Variants in SENP7 observed in about 807,000 individuals in gnomAD.
SENP7 encodes the protein sentrin-specific protease 7.
SENP7 carries 64 observed loss-of-function variants against 141.2 expected under a neutral mutation model. That is an observed-to-expected ratio of 0.45 (90% CI 0.37 to 0.56). The LOEUF (loss-of-function observed/expected upper bound fraction) is 0.56, where lower values mean the gene tolerates loss of function less well. Among genes scored for constraint, SENP7 ranks in the 20% least tolerant of loss-of-function variants. SENP7 has a pLI of 0.00. For missense variants in SENP7, 1,025 were observed against 1,212.2 expected (o/e 0.85, Z 2.29); for synonymous variants, 382 against 426.4 (o/e 0.90, Z 1.28).
chr3:101,385,120 T>C (rs2060615852), intron 6 of SENP7, among the ~76,000 whole-genome samples: 1 of 152,166 alleles, frequency 6.6e-6, no homozygotes, highest in Admixed American at 6.5e-5. Flanking sequence ...AAGGATTTAC[T>C]AGAATAAATA....
intron 6 of SENP7, among the ~76,000 whole-genome samples, chr3:101,386,658 A>C (rs1340428565): frequency 6.6e-6 from 1 of 152,190 alleles, no homozygotes; most frequent in African/African-American, 2.4e-5. Flanking sequence ...ACTCTAGCCC[A>C]GACAGTATCC....
intron 13 of SENP7, among the ~76,000 whole-genome samples, chr3:101,345,718 TAGG>T (rs1264803317): frequency 6.6e-6 from 1 of 152,180 alleles, no homozygotes; most frequent in East Asian, 1.9e-4. Flanking sequence ...AAGCCACATG[TAGG>T]AGAATGAAAC....
intron 4 of SENP7, among the ~76,000 whole-genome samples, chr3:101,437,640 A>G (rs750006302): frequency 3.3e-5 from 5 of 152,116 alleles, no homozygotes; most frequent in African/African-American, 4.8e-5. Context: ...GCCCAGGAGG[A>G]TGAGGCTACA....
In SENP7 at chr3:101,400,182, T is replaced by A. The variant is rs563852682; in HGVS notation, c.483-1127A>T. ...CCAAGCCAAATTATTGTGATTTTTT[T>A]AAGTTCCTGTTATGTAATTTTAAAG... On this transcript the variant is annotated intron_variant, in intron 5 of 23. Transcript: ENST00000394095. Among the ~76,000 whole-genome samples the A allele has an allele frequency of 6.1e-4, 93 of 152,372 alleles. No homozygotes were observed. In the South Asian group the frequency reaches 0.019, roughly 31 times the overall value.
intron 3 of SENP7, among the ~76,000 whole-genome samples, chr3:101,476,255 C>T (rs2064211778): frequency 6.6e-6 from 1 of 151,810 alleles, no homozygotes; most frequent in African/African-American, 2.4e-5. Context: ...CCCCTTACCC[C>T]CAATCCCCCA....
intron 5 of SENP7, among the ~76,000 whole-genome samples, chr3:101,400,835 C>G (rs534424832): frequency 1.3e-5 from 2 of 152,134 alleles, no homozygotes; most frequent in Non-Finnish European, 2.9e-5. Context: ...TGGCTCACAC[C>G]TGCAATCCCA....
chr3:101,452,995 CA>C (rs1487682829), intron 4 of SENP7, among the ~76,000 whole-genome samples: 2 of 152,048 alleles, frequency 1.3e-5, no homozygotes, highest in Non-Finnish European at 2.9e-5. Context: ...CCAGAATCTA[CA>C]ATAAACTCAA....
chr3:101,377,399 G>A (rs1045882946), intron 6 of SENP7, among the ~76,000 whole-genome samples: 16 of 152,114 alleles, frequency 1.1e-4, no homozygotes, highest in African/African-American at 3.6e-4. Flanking sequence ...TACTATTGGA[G>A]TATGAAGACC....
chr3:101,404,924 T>C (rs1276618281), intron 5 of SENP7, among the ~76,000 whole-genome samples: 1 of 152,224 alleles, frequency 6.6e-6, no homozygotes, highest in Non-Finnish European at 1.5e-5. Flanking sequence ...GACAGCCATC[T>C]ACAAGCCAAA....
At chr3:101,448,512 G>T (rs1437921419) in intron 4 of SENP7, among the ~76,000 whole-genome samples, 2 of 152,194 alleles carry the variant, frequency 1.3e-5, no homozygotes, top group Non-Finnish European at 2.9e-5. Flanking sequence ...AGAGGCTGCA[G>T]AACAGCGGAT....
chr3:101,484,493 C>T (rs1026172723), intron 3 of SENP7, among the ~76,000 whole-genome samples: 5 of 152,156 alleles, frequency 3.3e-5, no homozygotes, highest in Non-Finnish European at 5.9e-5. Context: ...AGAGGGCCCA[C>T]AGACCCTCTA....
At chr3:101,368,924 C>T (rs547147779) in intron 7 of SENP7, among the ~76,000 whole-genome samples, 1 of 152,134 alleles carries the variant, frequency 6.6e-6, no homozygotes, top group Admixed American at 6.5e-5. Context: ...AATACCTTTG[C>T]TCTGTAGTTG....
At chr3:101,504,076 T>C (rs2065493815) in intron 1 of SENP7, among the ~76,000 whole-genome samples, 2 of 152,144 alleles carry the variant, frequency 1.3e-5, no homozygotes, top group African/African-American at 4.8e-5. Flanking sequence ...CTGAAATGAT[T>C]TCTTCTAAGT....
chr3:101,445,307 T>G (rs1389508322), intron 4 of SENP7, among the ~76,000 whole-genome samples: 2 of 152,150 alleles, frequency 1.3e-5, no homozygotes, highest in Admixed American at 6.5e-5. Flanking sequence ...TATAACTGCT[T>G]GACTGATGCT....
At chr3:101,459,982 A>C (rs566511361) in intron 3 of SENP7, among the ~76,000 whole-genome samples, 2 of 152,346 alleles carry the variant, frequency 1.3e-5, no homozygotes, top group Admixed American at 1.3e-4. Context: ...AATTTAGTCA[A>C]GGCAATGTAA....
chr3:101,447,023 C>A (rs2062923336), intron 4 of SENP7, among the ~76,000 whole-genome samples: 1 of 150,832 alleles, frequency 6.6e-6, no homozygotes, highest in African/African-American at 2.4e-5. Context: ...AAAAAAAGAC[C>A]CAAGTAAGAT....
At chr3:101,395,884 G>C (rs1157190216) in intron 6 of SENP7, among the ~76,000 whole-genome samples, 2 of 152,176 alleles carry the variant, frequency 1.3e-5, no homozygotes, top group Non-Finnish European at 2.9e-5. Flanking sequence ...CAATAAGAGA[G>C]ACACAAAAAT....
intron 3 of SENP7, among the ~76,000 whole-genome samples, chr3:101,483,909 T>A (rs1230547862): frequency 2.6e-5 from 4 of 151,952 alleles, no homozygotes; most frequent in Non-Finnish European, 5.9e-5. Context: ...GTGCCTGTAA[T>A]CCCAGCTACT....
chr3:101,445,667 T>C (rs2062861614), intron 4 of SENP7, among the ~76,000 whole-genome samples: 1 of 151,906 alleles, frequency 6.6e-6, no homozygotes, highest in Non-Finnish European at 1.5e-5. Context: ...AAGACACACA[T>C]AAACTGAAAG....
Sources: gnomAD v4.1 joint callset for allele counts (sites outside exome capture counted in the v4.1 genomes callset) on GRCh38, gnomAD v4.1.1 for gene constraint, MANE v1.5 for transcripts, NCBI Gene and HGNC (gene_info 2026-07-23, HGNC 2026-07-21) for gene names.